RYR1: variants seen among roughly 807,000 people sequenced by gnomAD.
The protein encoded by RYR1 is ryanodine receptor 1.
Under a neutral mutation model 583.5 loss-of-function variants are expected in RYR1, and 342 were observed. The observed-to-expected ratio is 0.59, with a 90% CI of 0.54 to 0.64. RYR1 has a LOEUF of 0.64. Among genes scored for constraint, RYR1 ranks in the 30% least tolerant of loss-of-function variants. RYR1 has a pLI of 0.00. For missense variants in RYR1, 6,032 were observed against 6,917.2 expected, an observed-to-expected ratio of 0.87 and a Z score of 4.54; for synonymous variants, 2,791 against 2,822.5, an observed-to-expected ratio of 0.99 and a Z score of 0.35.
intron 1 of RYR1, among the ~76,000 whole-genome samples, chr19:38,434,171 A>G (rs545302770): frequency 3.9e-5 from 6 of 152,156 alleles, no homozygotes; most frequent in African/African-American, 1.2e-4. Context: ...CCCTCACACC[A>G]TCTTGGAAGC....
In RYR1 at chr19:38,543,667, C is replaced by G; in HGVS notation, c.11907+7C>G. Reference sequence around the variant, plus strand: ...CCTCACTGAGTACATCCAGGTAGGGCGCTCCCCCTGGGGCGGGAGTGGGAA... The same window carrying G: ...CCTCACTGAGTACATCCAGGTAGGGGGCTCCCCCTGGGGCGGGAGTGGGAA... On this transcript the variant is annotated splice_region_variant and intron_variant, in intron 86 of 105. Transcript: ENST00000359596. The surrounding 1 kb of genome is among the most constrained non-coding windows in gnomAD (Gnocchi z 4.4). The G allele has an allele frequency of 6.2e-7, 1 of 1,613,550 alleles. No individual in the cohort carries two copies.
At position 38,448,640 on chromosome 19, in the gene RYR1, C is replaced by A. The variant is rs769840643; in HGVS notation, c.958-9C>A. 2.5e-6 allele frequency: 4 copies of A among 1,614,218 alleles called. No homozygotes were observed. The highest frequency in any genetic ancestry group is 2.2e-5 in the East Asian group (1 of 44,888). On this transcript the variant is annotated splice_polypyrimidine_tract_variant and intron_variant, in intron 10 of 105. Transcript: ENST00000359596. ...AGAGGAGGCTGACCTGTGTCCCCTG[C>A]CCCTGTAGGAGAAGCTGGATGTGGC...
At chr19:38,558,185 A>G (rs983919261) in intron 89 of RYR1, among the ~76,000 whole-genome samples, 2 of 151,686 alleles carry the variant, frequency 1.3e-5, no homozygotes, top group Non-Finnish European at 2.9e-5. Context: ...ATGGTGGTGC[A>G]TGCCTGTGGT....
At position 38,500,033 on chromosome 19, in the gene RYR1, G is replaced by A. The variant is rs973282654; in HGVS notation, c.7323+17G>A. ...GAGATGCATGTGAGACCCTGAGCCA[G>A]GGCAGGATGGGAAGGGAGGGCAGGC... On this transcript the variant is annotated intron_variant, in intron 45 of 105. Coordinates refer to ENST00000359596, the MANE Select transcript of RYR1 (RefSeq NM_000540.3). The surrounding 1 kb of genome is among the most constrained non-coding windows in gnomAD (Gnocchi z 5.9). The A allele has an allele frequency of 6.2e-7, 1 of 1,611,086 alleles. No individual in the cohort carries two copies. Among genetic ancestry groups the A allele is most frequent in the African/African-American group, 1.3e-5 (1 of 74,866 alleles).
chr19:38,449,861 T>C (rs1966987199), intron 11 of RYR1, among the ~76,000 whole-genome samples: 1 of 152,188 alleles, frequency 6.6e-6, no homozygotes, highest in Non-Finnish European at 1.5e-5. Context: ...GTGTGAGGCC[T>C]TGTGGGCCAT....
At chr19:38,501,118 CCAT>C (rs1970097519) in intron 47 of RYR1, 128 bp downstream of exon 47, 1 of 860,280 alleles carries the variant, frequency 1.2e-6, no homozygotes, top group South Asian at 1.5e-5. Flanking sequence ...ATCCCCAATA[CCAT>C]CATCAAGATA....
rs1973404640 is a variant in RYR1, at chr19:38,565,984, C to T, written c.13437+213C>T. Among the ~76,000 whole-genome samples, 3 of 151,936 alleles carry T rather than the reference C, an allele frequency of 2.0e-5. No individual in the cohort carries two copies. The South Asian group carries it at 6.3e-4, about 32-fold the overall frequency. On this transcript the variant is annotated intron_variant, in intron 91 of 105. Transcript: ENST00000359596. This position sits in a 1 kb window ranked among gnomAD's most constrained non-coding sequence, Gnocchi z 4.7. ...AGAGACAGAGGGATACTCAGACCCA[C>T]AGAGAAAGAGACTCAGAGATGGAGA...
intron 97 of RYR1, among the ~76,000 whole-genome samples, chr19:38,577,117 C>T (rs1040964050): frequency 1.3e-5 from 2 of 152,036 alleles, no homozygotes; most frequent in Non-Finnish European, 2.9e-5. Flanking sequence ...AACTCCTGAC[C>T]TCAGGTGATC....
At chr19:38,507,531 G>A (rs946081957) in intron 57 of RYR1, among the ~76,000 whole-genome samples, 181 bp from the exon 58 acceptor site, 3 of 151,700 alleles carry the variant, frequency 2.0e-5, no homozygotes, top group Non-Finnish European at 4.4e-5. Context: ...ACAGAGGTGG[G>A]GCCAGAGAGG....
intron 65 of RYR1, 77 bp from the exon 66 acceptor site, chr19:38,517,282 G>A: frequency 1.4e-6 from 2 of 1,430,338 alleles, no homozygotes; most frequent in Non-Finnish European, 9.7e-7. Context: ...GGTGTCTGAT[G>A]TATTGCGGGG....
rs371499014 is a variant in RYR1, at chr19:38,562,730, C to A, written c.12624+1276C>A. On this transcript the variant is annotated intron_variant, in intron 90 of 105. Coordinates refer to ENST00000359596, the MANE Select transcript of RYR1 (RefSeq NM_000540.3). The stretch of plus-strand genomic sequence containing the variant: ...CACACTCATACTCCTCCTGTCCCCC[C>A]ACAGAGTCCCAGGCCCTTGCACACC... Among the ~76,000 whole-genome samples, 305 of 152,320 alleles carry A rather than the reference C, an allele frequency of 2.0e-3. 2 individuals are homozygous for A. Among genetic ancestry groups the A allele is most frequent in the African/African-American group, 7.0e-3 (292 of 41,574 alleles).
At position 38,578,047 on chromosome 19, in the gene RYR1, T is replaced by G. The variant is rs1974036906; in HGVS notation, c.14302T>G (p.Trp4768Gly). 1.1e-5 allele frequency: 18 copies of G among 1,613,890 alleles called. No individual in the cohort carries two copies. The highest frequency in any genetic ancestry group is 1.4e-5 in the Non-Finnish European group (17 of 1,179,968). ...CAACCCGCCGCCAGGGCTGCTGACCTGGTGAGCCCAGGACACCCCTGCACA... is the reference window on the plus strand; with the variant it reads ...CAACCCGCCGCCAGGGCTGCTGACCGGGTGAGCCCAGGACACCCCTGCACA... ...KPNPPPGLLT[W>G]LMSIDVKYQI... The change falls in exon 98 of 106, where the codon TGG becomes GGG. Residue 4768 changes from tryptophan to glycine, a missense_variant and splice_region_variant. Trp to Gly is a radical substitution (Grantham distance 184, BLOSUM62 -2). Around this residue, in one of 11 missense-constraint regions of RYR1, gnomAD observed 188 missense variants for 215.6 expected, o/e 0.87. Coordinates refer to ENST00000359596, the MANE Select transcript of RYR1 (RefSeq NM_000540.3).
rs1971910372 is a variant in RYR1 at position 38,535,127 on chromosome 19, C to T, written c.11360-14C>T. The T allele has an allele frequency of 1.2e-6, 2 of 1,612,386 alleles. No homozygotes were observed. Among genetic ancestry groups the T allele is most frequent in the Non-Finnish European group, 1.7e-6 (2 of 1,179,800 alleles). On this transcript the variant is annotated splice_polypyrimidine_tract_variant and intron_variant, in intron 79 of 105. Coordinates refer to ENST00000359596, the MANE Select transcript of RYR1 (RefSeq NM_000540.3). ...CAACTGGGTGGACCATCTTTTTTCT[C>T]CCACTCCCTCCAGGAGAGACAGGTG... is the stretch of plus-strand genomic sequence containing the variant.
intron 31 of RYR1, among the ~76,000 whole-genome samples, chr19:38,480,555 G>A (rs1018230614): frequency 2.6e-5 from 4 of 151,974 alleles, no homozygotes; most frequent in Non-Finnish European, 5.9e-5. Flanking sequence ...TAAAAGATAA[G>A]GATGATCTTA....
intron 93 of RYR1, among the ~76,000 whole-genome samples, 188 bp downstream of exon 93, chr19:38,568,105 A>C (rs1973530726): frequency 6.6e-6 from 1 of 152,154 alleles, no homozygotes; most frequent in African/African-American, 2.4e-5. Context: ...GATGGCCCTC[A>C]CTTGGTTCCT....
rs893103349 is a variant in RYR1 at position 38,565,709 on chromosome 19, G to A, written c.13375G>A (p.Asp4459Asn). ...GGCTGGCGGTCTCGGGGACATGGGG[G>A]ACACGACGCCTGCGGAACCGCCCAC... ...EGAGGLGDMGDTTPAEPPTPE... is the reference protein window; with the variant it reads ...EGAGGLGDMGNTTPAEPPTPE... Residue 4459 changes from aspartate (D) to asparagine (N), a missense_variant, in exon 91 of 106, where the codon GAC becomes AAC. By Grantham distance (23) the Asp-to-Asn change is conservative. Coordinates refer to ENST00000359596, the MANE Select transcript of RYR1 (RefSeq NM_000540.3). The surrounding 1 kb of genome is among the most constrained non-coding windows in gnomAD (Gnocchi z 4.7). 7.7e-6 allele frequency: 11 copies of A among 1,427,120 alleles called. No individual in the cohort carries two copies. Among genetic ancestry groups the A allele is most frequent in the Non-Finnish European group, 1.0e-5 (11 of 1,098,804 alleles). 88.4% of individuals were successfully genotyped at this position (1,427,120 alleles called of 1,614,324 possible).
chr19:38,502,256 G>T (rs555862920), intron 47 of RYR1, among the ~76,000 whole-genome samples: 4 of 152,202 alleles, frequency 2.6e-5, no homozygotes, highest in Non-Finnish European at 4.4e-5. Flanking sequence ...TCTGTAATGG[G>T]GTTCATTAAT....
chr19:38,557,047 A>ATT (rs1972907152), intron 89 of RYR1, among the ~76,000 whole-genome samples: 1 of 81,210 alleles, frequency 1.2e-5, no homozygotes, highest in Admixed American at 1.7e-4. Flanking sequence ...CGATAGTCTC[A>ATT]TTTCTTTTTT....
At chr19:38,459,059 G>C (rs918469175) in intron 18 of RYR1, 87 bp from the exon 19 acceptor site, 4 of 1,187,496 alleles carry the variant, frequency 3.4e-6, no homozygotes, top group Non-Finnish European at 3.7e-6. Flanking sequence ...ATCTCCACAG[G>C]AGCCTCCAAT....
Sources: gnomAD v4.1 joint callset for allele counts (sites outside exome capture counted in the v4.1 genomes callset) on GRCh38, gnomAD v4.1.1 for gene constraint, gnomAD v4.1.1 regional missense constraint, Gnocchi (gnomAD v3.1) non-coding constraint, MANE v1.5 for transcripts, NCBI Gene and HGNC (gene_info 2026-07-23, HGNC 2026-07-21) for gene names.